Variants in KCNJ3 observed in about 807,000 individuals in gnomAD.
The protein encoded by KCNJ3 is potassium inwardly rectifying channel subfamily J member 3, also known as G protein-activated inward rectifier potassium channel 1.
In KCNJ3, 4 loss-of-function variants were observed where a neutral mutation model predicts 39.2. The ratio of observed to expected loss-of-function variants is 0.10; its 90% CI spans 0.05 to 0.23. The LOEUF is 0.23. Among genes scored for constraint, KCNJ3 ranks in the 10% least tolerant of loss-of-function variants. KCNJ3 has a pLI of 1.00. For missense variants in KCNJ3, 276 were observed against 634.9 expected, an observed-to-expected ratio of 0.43 and a Z score of 6.08; for synonymous variants, 230 against 237.4, an observed-to-expected ratio of 0.97 and a Z score of 0.29.
At chr2:154,804,884 GT>G (rs1038399704) in intron 2 of KCNJ3, among the ~76,000 whole-genome samples, 2 of 152,002 alleles carry the variant, frequency 1.3e-5, no homozygotes, top group African/African-American at 4.8e-5. Context: ...CACATTATCA[GT>G]TTTTTATTAT....
chr2:154,819,011 C>G (rs576287422), intron 2 of KCNJ3, among the ~76,000 whole-genome samples: 1 of 129,494 alleles, frequency 7.7e-6, no homozygotes, highest in Non-Finnish European at 1.5e-5. Flanking sequence ...CTTGCAATAG[C>G]AAGATAATGA....
chr2:154,794,724 GC>G (rs1418492828), intron 2 of KCNJ3, among the ~76,000 whole-genome samples: 2 of 151,994 alleles, frequency 1.3e-5, no homozygotes, highest in Non-Finnish European at 2.9e-5. Context: ...TTTATGTGAA[GC>G]ACAAAACATT....
chr2:154,755,720 T>C (rs902507395), intron 2 of KCNJ3, among the ~76,000 whole-genome samples: 1 of 151,940 alleles, frequency 6.6e-6, no homozygotes, highest in Non-Finnish European at 1.5e-5. Context: ...AACTAATATG[T>C]TCTTTATTGC....
At chr2:154,710,370 T>C (rs2105152122) in intron 2 of KCNJ3, among the ~76,000 whole-genome samples, 1 of 152,280 alleles carries the variant, frequency 6.6e-6, no homozygotes, top group East Asian at 1.9e-4. Context: ...GACCAAAATT[T>C]CATTTCAAAA....
intron 2 of KCNJ3, among the ~76,000 whole-genome samples, chr2:154,735,782 TATTCCAC>T (rs747674025): frequency 2.8e-4 from 42 of 152,164 alleles, no homozygotes; most frequent in Non-Finnish European, 4.1e-4. Context: ...TTCTGCAGAA[TATTCCAC>T]ATTTTTGAAG....
In KCNJ3 at chr2:154,855,196, G is replaced by C; in HGVS notation, c.1389G>C (p.Met463Ile). 1 of 1,613,866 alleles carries C rather than the reference G, an allele frequency of 6.2e-7. No individual in the cohort carries two copies. The highest frequency in any genetic ancestry group is 8.5e-7 in the Non-Finnish European group (1 of 1,179,916). ...SKTTKMLSDP[M>I]SQSVADLPPK... Reference sequence around the variant, plus strand: ...CCACCAAGATGTTATCTGATCCCATGAGCCAGTCTGTGGCTGATTTGCCAC... The same window carrying C: ...CCACCAAGATGTTATCTGATCCCATCAGCCAGTCTGTGGCTGATTTGCCAC... The change falls in exon 3 of 3, where the codon ATG (methionine) becomes ATC (isoleucine). Residue 463 changes from methionine to isoleucine, a missense_variant. This residue lies in a region of KCNJ3 where 126 missense variants were observed against 179.8 expected (regional missense o/e 0.70). Coordinates refer to ENST00000295101, the MANE Select transcript of KCNJ3 (RefSeq NM_002239.4).
At chr2:154,798,188 GCACA>G (rs57495585) in intron 2 of KCNJ3, among the ~76,000 whole-genome samples, 1,290 of 114,772 alleles carry the variant, frequency 0.011, 11 homozygotes, top group East Asian at 0.032. Context: ...TTCGAACACC[GCACA>G]CACACACACA....
At chr2:154,756,930 A>G (rs1304668621) in intron 2 of KCNJ3, among the ~76,000 whole-genome samples, 1 of 152,106 alleles carries the variant, frequency 6.6e-6, no homozygotes, top group Admixed American at 6.6e-5. Flanking sequence ...TGACTGAAAT[A>G]CACTCTTGGA....
At chr2:154,784,374 C>A (rs1035504667) in intron 2 of KCNJ3, among the ~76,000 whole-genome samples, 4 of 151,962 alleles carry the variant, frequency 2.6e-5, no homozygotes, top group Non-Finnish European at 5.9e-5. Context: ...TGAAGGACAG[C>A]CTATTTGTTT....
At position 154,779,431 on chromosome 2, in the gene KCNJ3, C is replaced by CAT. The variant is rs1007008514; in HGVS notation, c.919+69621_919+69622dup. Reference sequence around the variant, plus strand: ...AGGTCAGTTTACTAGACTTGATATACATATATATATGTATATATATTTTAT... The same window carrying CAT: ...AGGTCAGTTTACTAGACTTGATATACATATATATATATGTATATATATTTTAT... On this transcript the variant is annotated intron_variant, in intron 2 of 2. Coordinates refer to ENST00000295101, the MANE Select transcript of KCNJ3 (RefSeq NM_002239.4). 3.5e-5 allele frequency among the ~76,000 whole-genome samples: 5 copies of CAT among 144,274 alleles called. No homozygotes were observed. In the East Asian group the frequency reaches 6.1e-4, roughly 18 times the overall value. 94.6% of individuals were successfully genotyped at this position (144,274 alleles called of 152,430 possible).
intron 2 of KCNJ3, among the ~76,000 whole-genome samples, chr2:154,750,752 T>G (rs929935555): frequency 2.6e-5 from 4 of 152,018 alleles, no homozygotes; most frequent in African/African-American, 9.7e-5. Flanking sequence ...CATTTTGTTT[T>G]CATTGCAACT....
At chr2:154,741,835 T>G (rs908128417) in intron 2 of KCNJ3, among the ~76,000 whole-genome samples, 3 of 151,956 alleles carry the variant, frequency 2.0e-5, no homozygotes, top group Non-Finnish European at 2.9e-5. Context: ...GACATTTTGA[T>G]GAATTTTGTA....
At chr2:154,734,318 G>C (rs149431280) in intron 2 of KCNJ3, among the ~76,000 whole-genome samples, 6 of 152,202 alleles carry the variant, frequency 3.9e-5, no homozygotes, top group Non-Finnish European at 8.8e-5. Context: ...AGAGGAATTC[G>C]CCCAAAAGGA....
intron 2 of KCNJ3, among the ~76,000 whole-genome samples, chr2:154,768,724 T>A (rs529568575): frequency 3.0e-3 from 459 of 152,250 alleles, no homozygotes; most frequent in Non-Finnish European, 4.1e-3. Context: ...TTCTGTGAAT[T>A]AAGGCATTGG....
At chr2:154,753,509 T>G (rs995871228) in intron 2 of KCNJ3, among the ~76,000 whole-genome samples, 6 of 152,186 alleles carry the variant, frequency 3.9e-5, no homozygotes, top group African/African-American at 1.4e-4. Context: ...CACTCAAGTT[T>G]CAATTTTCAG....
At chr2:154,834,562 T>G (rs2105122772) in intron 2 of KCNJ3, among the ~76,000 whole-genome samples, 1 of 151,964 alleles carries the variant, frequency 6.6e-6, no homozygotes, top group Middle Eastern at 3.4e-3. Context: ...ACGCCATCTT[T>G]ACTAAAAATA....
chr2:154,794,436 A>G (rs1191929706), intron 2 of KCNJ3, among the ~76,000 whole-genome samples: 1 of 152,018 alleles, frequency 6.6e-6, no homozygotes, highest in Non-Finnish European at 1.5e-5. Context: ...TTGATTTGTC[A>G]TGATATGTTC....
At position 154,830,851 on chromosome 2, in the gene KCNJ3, G is replaced by A. The variant is rs183829836; in HGVS notation, c.920-23876G>A. 2.0e-5 allele frequency among the ~76,000 whole-genome samples: 3 copies of A among 152,166 alleles called. No individual in the cohort carries two copies. In the East Asian group the frequency reaches 5.8e-4, roughly 29 times the overall value. ...TGATCAAGAAGTTCAGAAAATGAAA[G>A]GACATGATTTAATTTACTATTTTTA... On this transcript the variant is annotated intron_variant, in intron 2 of 2. Coordinates refer to ENST00000295101, the MANE Select transcript of KCNJ3 (RefSeq NM_002239.4).
chr2:154,707,183 A>G (rs1174273837), intron 1 of KCNJ3, among the ~76,000 whole-genome samples: 1 of 150,550 alleles, frequency 6.6e-6, no homozygotes, highest in Non-Finnish European at 1.5e-5. Context: ...CATTGAAAGC[A>G]TGTTTCCCAA....
Sources: allele counts gnomAD v4.1 joint callset (sites outside exome capture counted in the v4.1 genomes callset), GRCh38; gene constraint gnomAD v4.1.1; regional missense constraint gnomAD v4.1.1; transcripts MANE v1.5; gene names NCBI Gene and HGNC (gene_info 2026-07-23, HGNC 2026-07-21).